Variants in MRTFB observed in about 807,000 individuals in gnomAD.
MRTFB encodes myocardin-related transcription factor B.
MRTFB carries 29 observed loss-of-function variants against 104.2 expected under a neutral mutation model. That is an observed-to-expected ratio of 0.28 (90% confidence interval 0.21 to 0.38). The LOEUF (loss-of-function observed/expected upper bound fraction) is 0.38. Among genes scored for constraint, MRTFB ranks in the 10% least tolerant of loss-of-function variants. The probability of loss-of-function intolerance (pLI) is 1.00; values close to 1 mark genes in which losing one functional copy is unlikely to be tolerated. For synonymous variants in MRTFB, 535 were observed against 519.5 expected, an observed-to-expected ratio of 1.03 and a Z score of -0.41; for missense variants, 1,270 against 1,341.6, an observed-to-expected ratio of 0.95 and a Z score of 0.83.
intron 3 of MRTFB, among the ~76,000 whole-genome samples, chr16:14,194,781 G>T (rs868658283): frequency 6.7e-6 from 1 of 148,576 alleles, no homozygotes; most frequent in Admixed American, 6.8e-5. Context: ...CTCACTAGCT[G>T]TGTGATCTTG....
chr16:14,164,966 C>G (rs2039181050), intron 3 of MRTFB, among the ~76,000 whole-genome samples: 1 of 150,430 alleles, frequency 6.6e-6, no homozygotes, highest in African/African-American at 2.5e-5. Context: ...AAAAAAAAAA[C>G]TACCTGATAT....
At chr16:14,127,642 C>CA (rs770740356) in intron 2 of MRTFB, among the ~76,000 whole-genome samples, 289 of 76,152 alleles carry the variant, frequency 3.8e-3, no homozygotes, top group Middle Eastern at 0.02. Context: ...GACTCTGTCT[C>CA]AAAAAAAAAA....
At chr16:14,255,269 AG>A (rs2043429935) in intron 15 of MRTFB, among the ~76,000 whole-genome samples, 1 of 152,258 alleles carries the variant, frequency 6.6e-6, no homozygotes, top group Non-Finnish European at 1.5e-5. Flanking sequence ...GTTCACAAAT[AG>A]GATGAAAGAC....
chr16:14,026,882 T>TA, the MRTFB span, among the ~76,000 whole-genome samples: 3 of 151,818 alleles, frequency 2.0e-5, no homozygotes, highest in African/African-American at 4.8e-5. Flanking sequence ...ATGGCTCAAA[T>TA]AAAAAAAAAT....
At chr16:14,061,023 G>A in the MRTFB span, among the ~76,000 whole-genome samples, 1 of 152,110 alleles carries the variant, frequency 6.6e-6, no homozygotes, top group South Asian at 2.1e-4. Context: ...GTGGGAGCCT[G>A]TAGTCCCAGC....
chr16:14,237,293 A>C (rs945687976), intron 9 of MRTFB, among the ~76,000 whole-genome samples: 10 of 152,232 alleles, frequency 6.6e-5, no homozygotes, highest in Non-Finnish European at 1.3e-4. Flanking sequence ...GAGAACCAGC[A>C]AAGGAGACTC....
At chr16:14,083,935 G>A (rs1410945604) in intron 2 of MRTFB, among the ~76,000 whole-genome samples, 2 of 152,048 alleles carry the variant, frequency 1.3e-5, no homozygotes, top group Admixed American at 6.5e-5. Flanking sequence ...GAGATAACAA[G>A]GTTTCTAATT....
chr16:14,028,702 C>T, the MRTFB span, among the ~76,000 whole-genome samples: 66 of 152,290 alleles, frequency 4.3e-4, no homozygotes, highest in South Asian at 1.5e-3. Context: ...CCTAGTTGTG[C>T]GATCTTGGAA....
chr16:14,098,328 A>T (rs1227981398), intron 2 of MRTFB, among the ~76,000 whole-genome samples: 2 of 152,198 alleles, frequency 1.3e-5, no homozygotes, highest in African/African-American at 4.8e-5. Context: ...TTTCCTAATG[A>T]CTAATGGAGT....
intron 7 of MRTFB, among the ~76,000 whole-genome samples, 153 bp from the exon 8 acceptor site, chr16:14,218,667 T>G (rs1302834891): frequency 6.6e-6 from 1 of 152,188 alleles, no homozygotes; most frequent in Non-Finnish European, 1.5e-5. Context: ...TCATGGTTAG[T>G]GGTGTGTTCT....
chr16:13,998,093 C>A, the MRTFB span, among the ~76,000 whole-genome samples: 1 of 152,136 alleles, frequency 6.6e-6, no homozygotes, highest in Admixed American at 6.5e-5. Context: ...GAAGTAGAAG[C>A]CTCTGAGGCG....
upstream of MRTFB, among the ~76,000 whole-genome samples, chr16:14,070,336 A>G (rs2033612283): frequency 6.6e-6 from 1 of 152,358 alleles, no homozygotes; most frequent in Non-Finnish European, 1.5e-5. Flanking sequence ...TATGCCCGCA[A>G]TAAATGTTAG....
chr16:14,171,649 C>G (rs1461754442), intron 3 of MRTFB, among the ~76,000 whole-genome samples: 1 of 152,198 alleles, frequency 6.6e-6, no homozygotes, highest in East Asian at 1.9e-4. Flanking sequence ...TGTAACTCCA[C>G]TCTCTGACAG....
the MRTFB span, among the ~76,000 whole-genome samples, chr16:14,031,001 A>C: frequency 6.6e-6 from 1 of 152,316 alleles, no homozygotes; most frequent in South Asian, 2.1e-4. Flanking sequence ...ATATAATAAA[A>C]GTTGGGGAAT....
In MRTFB at chr16:14,241,039, T is replaced by C. The variant is rs551130868; in HGVS notation, c.1079+555T>C. The C allele has an allele frequency of 2.7e-5, 13 of 488,618 alleles. 1 individual carries two copies. Among genetic ancestry groups the C allele is most frequent in the African/African-American group, 1.8e-4 (9 of 50,394 alleles). 30.3% of individuals were successfully genotyped at this position (488,618 alleles called of 1,614,324 possible). A position where few individuals can be genotyped will look rare whatever the true frequency, so the allele number is the denominator to read the frequency against. On this transcript the variant is annotated intron_variant, in intron 10 of 16. Transcript: ENST00000571589. Reference sequence around the variant, plus strand: ...ACAAAGAATCTGATTAATTTTTAAGTAAAAAGTGGAAGACAAAAATCGAGT... The same window carrying C: ...ACAAAGAATCTGATTAATTTTTAAGCAAAAAGTGGAAGACAAAAATCGAGT...
chr16:14,154,478 T>A (rs969211863), intron 3 of MRTFB, among the ~76,000 whole-genome samples: 27 of 152,232 alleles, frequency 1.8e-4, no homozygotes, highest in Non-Finnish European at 7.3e-5. Context: ...CTCTTACAAT[T>A]TTAATTGCAA....
intron 8 of MRTFB, among the ~76,000 whole-genome samples, chr16:14,224,393 C>T (rs904088937): frequency 1.3e-5 from 2 of 152,184 alleles, no homozygotes; most frequent in Admixed American, 6.5e-5. Flanking sequence ...TTTTTTACTA[C>T]ATTTACAGTG....
intron 3 of MRTFB, among the ~76,000 whole-genome samples, chr16:14,178,475 T>C (rs138366514): frequency 3.9e-4 from 59 of 152,312 alleles, no homozygotes; most frequent in African/African-American, 1.4e-3. Context: ...CTCCTTAACT[T>C]CTCAAGCTTT....
intron 2 of MRTFB, among the ~76,000 whole-genome samples, chr16:14,137,438 T>A (rs1163192542): frequency 6.6e-6 from 1 of 152,144 alleles, no homozygotes; most frequent in African/African-American, 2.4e-5. Context: ...AATATTTTTT[T>A]AAATCTATAC....
Sources: allele counts gnomAD v4.1 joint callset (sites outside exome capture counted in the v4.1 genomes callset), GRCh38; gene constraint gnomAD v4.1.1; transcripts MANE v1.5; gene names NCBI Gene and HGNC (gene_info 2026-07-23, HGNC 2026-07-21).